WWOX: variants seen among roughly 807,000 people sequenced by gnomAD.
WWOX encodes the protein WW domain containing oxidoreductase, also known as WW domain-containing oxidoreductase.
A neutral mutation model predicts 46.2 loss-of-function variants in WWOX; 69 were observed. That is an observed-to-expected ratio of 1.49 (90% CI 1.23 to 1.82). The LOEUF is 1.82. Among genes scored for constraint, WWOX ranks in the 40% most tolerant of loss-of-function variants. The probability of loss-of-function intolerance (pLI) is 0.00; values close to 1 mark genes in which losing one functional copy is unlikely to be tolerated. For synonymous variants in WWOX, 359 were observed against 202.6 expected (o/e 1.77, Z -6.56); for missense variants, 919 against 542.6 (o/e 1.69, Z -6.89).
intron 8 of WWOX, among the ~76,000 whole-genome samples, chr16:79,109,313 TCGAGCTACTG>T (rs1373456226): frequency 1.3e-5 from 2 of 152,166 alleles, no homozygotes; most frequent in Non-Finnish European, 2.9e-5. Flanking sequence ...CCAGTTTCTA[TCGAGCTACTG>T]TAACTTTAAA....
intron 8 of WWOX, among the ~76,000 whole-genome samples, chr16:79,191,642 C>A (rs777512855): frequency 6.6e-6 from 1 of 152,098 alleles, no homozygotes; most frequent in Non-Finnish European, 1.5e-5. Flanking sequence ...CCTAGCTGGA[C>A]TGCAGTGAAA....
chr16:78,578,825 G>A (rs2044973265), intron 8 of WWOX, among the ~76,000 whole-genome samples: 2 of 152,156 alleles, frequency 1.3e-5, no homozygotes, highest in African/African-American at 2.4e-5. Context: ...CTGACATTTG[G>A]AACATGTGTT....
chr16:78,589,794 T>C (rs375644373), intron 8 of WWOX, among the ~76,000 whole-genome samples: 193 of 152,266 alleles, frequency 1.3e-3, no homozygotes, highest in African/African-American at 4.4e-3. Context: ...GCTGGCTTTT[T>C]CCCCCTTTTT....
At chr16:78,278,543 A>G in intron 5 of WWOX, 1 of 1,496,424 alleles carries the variant, frequency 6.7e-7, no homozygotes. Flanking sequence ...TTCAAGAAAC[A>G]GTTCTATGTT....
intron 8 of WWOX, among the ~76,000 whole-genome samples, chr16:78,903,137 C>T (rs2044871521): frequency 6.6e-6 from 1 of 152,180 alleles, no homozygotes; most frequent in Admixed American, 6.5e-5. Context: ...CTCAGGGGCC[C>T]TGGATAGAGA....
intron 8 of WWOX, among the ~76,000 whole-genome samples, chr16:78,667,076 G>A (rs79016426): frequency 2.0e-5 from 3 of 152,138 alleles, no homozygotes; most frequent in African/African-American, 7.2e-5. Context: ...TTGAGTATCG[G>A]ATCTTTGTGT....
intron 4 of WWOX, among the ~76,000 whole-genome samples, chr16:78,160,854 A>G (rs2034769899): frequency 1.3e-5 from 2 of 152,066 alleles, no homozygotes; most frequent in Admixed American, 1.3e-4. Context: ...TGCTTATTTT[A>G]TCTGTTACTA....
chr16:79,198,314 A>C (rs2051280602), intron 8 of WWOX, among the ~76,000 whole-genome samples: 1 of 152,164 alleles, frequency 6.6e-6, no homozygotes. Flanking sequence ...CTCCAGCCTG[A>C]GTGAGAGACA....
rs565485009 is a variant in WWOX, at chr16:78,508,290, C to T, written c.1056+75538C>T. 2.1e-3 allele frequency among the ~76,000 whole-genome samples: 294 copies of T among 143,156 alleles called. 1 individual carries two copies. The highest frequency in any genetic ancestry group is 6.2e-3 in the African/African-American group (231 of 36,970). The allele number at this position is 143,156 out of a possible 152,430, so 93.9% of individuals were successfully genotyped here. On this transcript the variant is annotated intron_variant, in intron 8 of 8. Coordinates refer to ENST00000566780, the MANE Select transcript of WWOX (RefSeq NM_016373.4). The stretch of plus-strand genomic sequence containing the variant: ...CCACCCAAAGTGCTGGGATTATAGG[C>T]GTGAGCCACTGCGCCCGGCCTTTTT...
At chr16:78,973,980 A>G (rs2046522609) in intron 8 of WWOX, among the ~76,000 whole-genome samples, 1 of 152,224 alleles carries the variant, frequency 6.6e-6, no homozygotes, top group African/African-American at 2.4e-5. Context: ...TGATTTTATT[A>G]CTAGTCAGCT....
At chr16:78,979,386 G>A (rs757523032) in intron 8 of WWOX, among the ~76,000 whole-genome samples, 1 of 152,066 alleles carries the variant, frequency 6.6e-6, no homozygotes, top group African/African-American at 2.4e-5. Flanking sequence ...ATTAACATCA[G>A]CAGCAGCAAC....
intron 8 of WWOX, among the ~76,000 whole-genome samples, chr16:78,901,734 C>T (rs537130946): frequency 2.3e-4 from 35 of 152,358 alleles, no homozygotes; most frequent in Non-Finnish European, 2.8e-4. Flanking sequence ...AGCGATCCAC[C>T]TGCCATGGTC....
chr16:78,521,320 G>A (rs2043343886), intron 8 of WWOX, among the ~76,000 whole-genome samples: 1 of 152,060 alleles, frequency 6.6e-6, no homozygotes, highest in South Asian at 2.1e-4. Flanking sequence ...GCCTCCCAAA[G>A]TGCTGGAAAT....
chr16:79,087,586 C>T (rs947856970), intron 8 of WWOX, among the ~76,000 whole-genome samples: 1 of 152,058 alleles, frequency 6.6e-6, no homozygotes, highest in East Asian at 1.9e-4. Flanking sequence ...ACAAGAAGTC[C>T]TGAGCACTGG....
intron 5 of WWOX, among the ~76,000 whole-genome samples, chr16:78,371,721 A>T (rs1487446303): frequency 2.0e-5 from 3 of 151,946 alleles, no homozygotes; most frequent in African/African-American, 7.2e-5. Context: ...TTTTGCCTAA[A>T]ATTTTATTTT....
rs11289222 is a variant in WWOX, at chr16:78,333,043, C to CTTTTTTTTTTTTTTTTTTTTTT, written c.517-53814_517-53793dup. Among the ~76,000 whole-genome samples the CTTTTTTTTTTTTTTTTTTTTTT allele has an allele frequency of 3.0e-3, 173 of 57,120 alleles. 46 individuals carry two copies. Among genetic ancestry groups the CTTTTTTTTTTTTTTTTTTTTTT allele is most frequent in the Non-Finnish European group, 4.8e-3 (127 of 26,260 alleles). The allele number at this position is 57,120 out of a possible 152,430, so 37.5% of individuals were successfully genotyped here. A position where few individuals can be genotyped will look rare whatever the true frequency, so the allele number is the denominator to read the frequency against. ...CTGAGTAGCATGGAAGAGCATTATA[C>CTTTTTTTTTTTTTTTTTTTTTT]TTTTTTTTTTTTTTTTTTTTTTTTG... On this transcript the variant is annotated intron_variant, in intron 5 of 8. Transcript: ENST00000566780.
chr16:78,351,183 C>G (rs1222343072), intron 5 of WWOX, among the ~76,000 whole-genome samples: 4 of 152,282 alleles, frequency 2.6e-5, no homozygotes, highest in African/African-American at 9.6e-5. Context: ...CAAGAGCTTA[C>G]AGAGATCCTT....
At chr16:78,822,853 A>T (rs367565596) in intron 8 of WWOX, among the ~76,000 whole-genome samples, 4 of 152,258 alleles carry the variant, frequency 2.6e-5, no homozygotes, top group African/African-American at 9.6e-5. Context: ...AGTCATTTGT[A>T]AATTAGGGAG....
Position 78,932,766 on chromosome 16 carries a change from C to G in WWOX, c.1057-278842C>G, listed in dbSNP as rs552823773. On this transcript the variant is annotated intron_variant, in intron 8 of 8. Coordinates refer to ENST00000566780, the MANE Select transcript of WWOX (RefSeq NM_016373.4). Reference sequence around the variant, plus strand: ...TGGGAAGTGGTAGGGAGGGACCTTCCCAGAAGAGAGATGACTCAGGCTGGT... The same window carrying G: ...TGGGAAGTGGTAGGGAGGGACCTTCGCAGAAGAGAGATGACTCAGGCTGGT... Among the ~76,000 whole-genome samples, 8 of 152,246 alleles carry G rather than the reference C, an allele frequency of 5.3e-5. 1 individual carries two copies. Among genetic ancestry groups the G allele is most frequent in the African/African-American group, 1.4e-4 (6 of 41,564 alleles).
Sources: allele counts gnomAD v4.1 joint callset (sites outside exome capture counted in the v4.1 genomes callset), GRCh38; gene constraint gnomAD v4.1.1; transcripts MANE v1.5; gene names NCBI Gene and HGNC (gene_info 2026-07-23, HGNC 2026-07-21).